The following CHRM3 variants were observed in gnomAD, a reference collection of about 807,000 sequenced individuals.
CHRM3 encodes the protein muscarinic acetylcholine receptor M3.
CHRM3 carries 11 observed loss-of-function variants against 41.8 expected under a neutral mutation model. That is an observed-to-expected ratio of 0.26 (90% CI 0.17 to 0.44). The LOEUF (loss-of-function observed/expected upper bound fraction) is 0.44. Among genes scored for constraint, CHRM3 ranks in the 20% least tolerant of loss-of-function variants. The pLI is 1.00. For synonymous variants in CHRM3, 297 were observed against 301.4 expected (o/e 0.99, Z 0.15); for missense variants, 571 against 745.4 (o/e 0.77, Z 2.72).
intron 3 of CHRM3, among the ~76,000 whole-genome samples, chr1:239,592,774 A>G (rs942411445): frequency 1.4e-4 from 21 of 152,040 alleles, no homozygotes; most frequent in Non-Finnish European, 2.8e-4. Flanking sequence ...ACTATTTTGA[A>G]TAACGTGGCT....
intron 5 of CHRM3, among the ~76,000 whole-genome samples, chr1:239,750,763 AAT>A (rs1217944854): frequency 6.6e-6 from 1 of 152,034 alleles, no homozygotes; most frequent in East Asian, 1.9e-4. Flanking sequence ...TCTGTCCATA[AAT>A]TCTCTCTTAC....
Position 239,788,377 on chromosome 1 carries a change from A to G in CHRM3, c.-146-38875A>G, listed in dbSNP as rs537646503. Among the ~76,000 whole-genome samples the G allele has an allele frequency of 1.3e-4, 20 of 152,280 alleles. No individual in the cohort carries two copies. In the South Asian group the frequency reaches 4.2e-3, roughly 32 times the overall value. Reference sequence around the variant, plus strand: ...TAGATTTTTTTTGCATGTTGTATTTAGATTTTCATACCATTTCATATGATA... The same window carrying G: ...TAGATTTTTTTTGCATGTTGTATTTGGATTTTCATACCATTTCATATGATA... On this transcript the variant is annotated intron_variant, in intron 5 of 6. Coordinates refer to ENST00000676153, the MANE Select transcript of CHRM3 (RefSeq NM_001375978.1).
chr1:239,482,410 G>T (rs1666917272), intron 1 of CHRM3, among the ~76,000 whole-genome samples: 1 of 152,184 alleles, frequency 6.6e-6, no homozygotes, highest in South Asian at 2.1e-4. Context: ...CTTCTACTCT[G>T]CAAAGTCACA....
chr1:239,824,203 A>T lies in CHRM3; in HGVS notation c.-146-3049A>T, dbSNP rs148221330. Among the ~76,000 whole-genome samples, 661 of 152,218 alleles carry T rather than the reference A, an allele frequency of 4.3e-3. 3 individuals are homozygous for T. The highest frequency in any genetic ancestry group is 0.015 in the African/African-American group (627 of 41,536). ...ACTTGTTTTATATCTTGAATGTAGC[A>T]TAGAGAAGCTTTGCAATTTTATCAC... On this transcript the variant is annotated intron_variant, in intron 5 of 6. Coordinates refer to ENST00000676153, the MANE Select transcript of CHRM3 (RefSeq NM_001375978.1).
chr1:239,738,386 G>A (rs982050581), intron 5 of CHRM3, among the ~76,000 whole-genome samples: 59 of 152,270 alleles, frequency 3.9e-4, no homozygotes, highest in Non-Finnish European at 7.2e-4. Context: ...GCCCTGGCTT[G>A]CAGTCAGTAC....
At chr1:239,862,759 A>C (rs1382134106) in intron 6 of CHRM3, among the ~76,000 whole-genome samples, 1 of 152,192 alleles carries the variant, frequency 6.6e-6, no homozygotes, top group Admixed American at 6.5e-5. Flanking sequence ...AATCACCTAA[A>C]ATACAGCCTA....
At chr1:239,677,885 TGAGGGCAG>T (rs546420897) in intron 4 of CHRM3, among the ~76,000 whole-genome samples, 98 of 152,344 alleles carry the variant, frequency 6.4e-4, no homozygotes, top group African/African-American at 2.3e-3. Context: ...TGGAAGTTTC[TGAGGGCAG>T]GTGACCATAT....
At chr1:239,729,085 G>A (rs1558492272) in intron 5 of CHRM3, among the ~76,000 whole-genome samples, 1 of 151,952 alleles carries the variant, frequency 6.6e-6, no homozygotes. Context: ...AAAAGCAGTT[G>A]TAAGTAAAAC....
At chr1:239,558,298 C>T (rs1216403909) in intron 3 of CHRM3, among the ~76,000 whole-genome samples, 1 of 152,114 alleles carries the variant, frequency 6.6e-6, no homozygotes, top group African/African-American at 2.4e-5. Context: ...AGTGTCTGTT[C>T]ATGTCCTTTG....
chr1:239,620,963 G>T (rs182802053), intron 3 of CHRM3, among the ~76,000 whole-genome samples: 1 of 152,308 alleles, frequency 6.6e-6, no homozygotes, highest in South Asian at 2.1e-4. Context: ...GTGCTTCACA[G>T]ATATTGTGAT....
At chr1:239,504,143 C>A (rs189027705) in intron 2 of CHRM3, among the ~76,000 whole-genome samples, 78 of 152,132 alleles carry the variant, frequency 5.1e-4, no homozygotes, top group African/African-American at 1.7e-3. Flanking sequence ...GGGAGAAAAT[C>A]TTTGTAATCT....
chr1:239,533,748 A>C (rs1226770579), intron 2 of CHRM3, among the ~76,000 whole-genome samples: 3 of 137,302 alleles, frequency 2.2e-5, no homozygotes, highest in Admixed American at 7.4e-5. Context: ...AAAAAAAAAA[A>C]AACAAAAAAA....
intron 1 of CHRM3, among the ~76,000 whole-genome samples, chr1:239,480,620 G>C (rs1456198302): frequency 7.2e-6 from 1 of 139,320 alleles, no homozygotes; most frequent in Non-Finnish European, 1.5e-5. Context: ...GCAGTGGCAC[G>C]ATCTTGGCTC....
At chr1:239,655,070 T>C (rs1162673330) in intron 4 of CHRM3, among the ~76,000 whole-genome samples, 1 of 152,224 alleles carries the variant, frequency 6.6e-6, no homozygotes, top group Non-Finnish European at 1.5e-5. Flanking sequence ...AATATACTAG[T>C]TACTTGTTCT....
rs1665528418 is a variant in CHRM3, at chr1:239,748,186, G to T, written c.-147+69898G>T. On this transcript the variant is annotated intron_variant, in intron 5 of 6. Coordinates refer to ENST00000676153, the MANE Select transcript of CHRM3 (RefSeq NM_001375978.1). The surrounding 1 kb of genome is among the most constrained non-coding windows in gnomAD (Gnocchi z 4.3). ...ATTATTTTAAACCACCACTTAAGAA[G>T]AAAGTGTATACACACCCGTTATCTG... Among the ~76,000 whole-genome samples, 2 of 152,206 alleles carry T rather than the reference G, an allele frequency of 1.3e-5. No individual in the cohort carries two copies. Among genetic ancestry groups the T allele is most frequent in the Admixed American group, 1.3e-4 (2 of 15,282 alleles).
At chr1:239,707,559 G>A (rs1257203843) in intron 5 of CHRM3, 1 of 152,148 alleles carries the variant, frequency 6.6e-6, no homozygotes, top group East Asian at 1.9e-4. Flanking sequence ...GGAAACATAA[G>A]GAACAATTCT....
intron 6 of CHRM3, among the ~76,000 whole-genome samples, chr1:239,872,436 C>G (rs1676670178): frequency 6.6e-6 from 1 of 152,132 alleles, no homozygotes. Flanking sequence ...AGTAGCTATC[C>G]TGAAAAGTAG....
At chr1:239,460,800 C>T (rs1665301144) in intron 1 of CHRM3, among the ~76,000 whole-genome samples, 1 of 152,012 alleles carries the variant, frequency 6.6e-6, no homozygotes, top group Non-Finnish European at 1.5e-5. Flanking sequence ...CAGTGATCAA[C>T]ACAAAAAAAT....
At chr1:239,388,734 T>C (rs532694238) in intron 1 of CHRM3, among the ~76,000 whole-genome samples, 1 of 152,364 alleles carries the variant, frequency 6.6e-6, no homozygotes, top group East Asian at 1.9e-4. Context: ...AGAGCTGATA[T>C]CCCGAAGTAT....
Sources: allele counts gnomAD v4.1 joint callset (sites outside exome capture counted in the v4.1 genomes callset), GRCh38; gene constraint gnomAD v4.1.1; non-coding constraint Gnocchi (gnomAD v3.1); transcripts MANE v1.5; gene names NCBI Gene and HGNC (gene_info 2026-07-23, HGNC 2026-07-21).